Variants in TMX3 observed in about 807,000 individuals in gnomAD.
TMX3 encodes thioredoxin related transmembrane protein 3.
A neutral mutation model predicts 64.4 loss-of-function variants in TMX3; 40 were observed. That is an observed-to-expected ratio of 0.62 (90% CI 0.48 to 0.81). The LOEUF is 0.81. Ranked by LOEUF, TMX3 falls within the 30% of genes least tolerant of loss-of-function variation. The probability of loss-of-function intolerance (pLI) is 0.00; values close to 1 mark genes in which losing one functional copy is unlikely to be tolerated. For synonymous variants in TMX3, 189 were observed against 175.7 expected, an observed-to-expected ratio of 1.08 and a Z score of -0.60; for missense variants, 497 against 534.5, an observed-to-expected ratio of 0.93 and a Z score of 0.69.
chr18:68,685,821 T>C (rs1031592564), intron 10 of TMX3, among the ~76,000 whole-genome samples: 2 of 152,124 alleles, frequency 1.3e-5, no homozygotes, highest in South Asian at 2.1e-4. Context: ...TCTGACGAGG[T>C]CAGTGAAGAT....
At chr18:68,714,914 C>T (rs1158612183) in intron 1 of TMX3, 22 bp downstream of exon 1, 11 of 1,552,638 alleles carry the variant, frequency 7.1e-6, no homozygotes, top group African/African-American at 1.4e-5. Context: ...CGCCAGCGTC[C>T]CGACCGCTGA....
chr18:68,701,985 C>G (rs1212034059), intron 4 of TMX3, among the ~76,000 whole-genome samples, 195 bp from the exon 5 acceptor site: 1 of 151,086 alleles, frequency 6.6e-6, no homozygotes, highest in Non-Finnish European at 1.5e-5. Flanking sequence ...ACTTAATAGT[C>G]CAATCTGTGA....
intron 9 of TMX3, 111 bp downstream of exon 9, chr18:68,691,184 C>G: frequency 3.2e-6 from 2 of 623,890 alleles, no homozygotes; most frequent in Non-Finnish European, 5.1e-6. Flanking sequence ...GTCATGAGAA[C>G]TGTTATTCTC....
At chr18:68,694,982 A>AG (rs1312145818) in intron 8 of TMX3, among the ~76,000 whole-genome samples, 3 of 152,172 alleles carry the variant, frequency 2.0e-5, no homozygotes, top group African/African-American at 7.2e-5. Context: ...AGAAAAAAAA[A>AG]GAAAAGCTCC....
intron 6 of TMX3, among the ~76,000 whole-genome samples, chr18:68,699,082 T>G (rs1209602266): frequency 6.6e-6 from 1 of 151,956 alleles, no homozygotes; most frequent in Non-Finnish European, 1.5e-5. Context: ...GTGTGTATAT[T>G]ACAATACATA....
intron 4 of TMX3, among the ~76,000 whole-genome samples, chr18:68,707,729 C>A (rs1228740956): frequency 6.6e-6 from 1 of 152,162 alleles, no homozygotes; most frequent in Non-Finnish European, 1.5e-5. Flanking sequence ...TTGGTTTATT[C>A]ATCTTTCTCC....
intron 8 of TMX3, among the ~76,000 whole-genome samples, chr18:68,691,939 A>G (rs1485321610): frequency 6.6e-6 from 1 of 152,246 alleles, no homozygotes; most frequent in Non-Finnish European, 1.5e-5. Context: ...AAATAATTTG[A>G]GTAAGCCACA....
chr18:68,674,280 T>G lies in TMX3; in HGVS notation c.*2653A>C, dbSNP rs1912752616. 6.6e-6 allele frequency: 1 copy of G among 152,130 alleles called. No individual in the cohort carries two copies. The highest frequency in any genetic ancestry group is 2.4e-5 in the African/African-American group (1 of 41,434). The allele number at this position is 152,130 out of a possible 1,614,324, so 9.4% of individuals were successfully genotyped here. ...TAATAGTAGCTGAGAAAAATATTGATGCACATAATGAAACAAAAAGAATTG... is the reference window on the plus strand; with the variant it reads ...TAATAGTAGCTGAGAAAAATATTGAGGCACATAATGAAACAAAAAGAATTG... On this transcript the variant is annotated 3_prime_UTR_variant, in exon 16 of 16. Coordinates refer to ENST00000299608, the MANE Select transcript of TMX3 (RefSeq NM_019022.5).
chr18:68,711,169 G>T (rs985422664), intron 3 of TMX3, among the ~76,000 whole-genome samples, 195 bp downstream of exon 3: 1 of 152,004 alleles, frequency 6.6e-6, no homozygotes, highest in East Asian at 1.9e-4. Context: ...TCAAAAATAC[G>T]TTCCCTCGCA....
intron 10 of TMX3, chr18:68,687,388 A>G (rs555180181): frequency 1.0e-6 from 1 of 985,346 alleles, no homozygotes; most frequent in Admixed American, 6.1e-5. Context: ...ACAGCTTCTT[A>G]GTTGGTTATT....
At chr18:68,697,047 A>C (rs1337482316) in intron 8 of TMX3, 179 bp downstream of exon 8, 1 of 424,030 alleles carries the variant, frequency 2.4e-6, no homozygotes, top group African/African-American at 2.1e-5. Context: ...AATAAAAAGC[A>C]ATCTAATACC....
In TMX3 at chr18:68,681,182, T is replaced by C. The variant is rs578168689; in HGVS notation, c.906-72A>G. The stretch of plus-strand genomic sequence containing the variant: ...GCAAGTATTCTGATATTCATTTATA[T>C]CTCAGTAGCCATAATTATAGAAGCT... On this transcript the variant is annotated intron_variant, in intron 13 of 15. Transcript: ENST00000299608. 2.8e-5 allele frequency: 36 copies of C among 1,273,948 alleles called. No individual in the cohort carries two copies. In the South Asian group the frequency reaches 5.2e-4, roughly 18 times the overall value. The allele number at this position is 1,273,948 out of a possible 1,614,324, so 78.9% of individuals were successfully genotyped here.
intron 10 of TMX3, among the ~76,000 whole-genome samples, chr18:68,685,593 A>G (rs1599303515): frequency 6.6e-6 from 1 of 152,192 alleles, no homozygotes; most frequent in East Asian, 1.9e-4. Flanking sequence ...ACACAGACAC[A>G]GTTTCTCACA....
chr18:68,677,068 A>G lies in TMX3; in HGVS notation c.1230T>C (p.Tyr410=), dbSNP rs201182658. The G allele has an allele frequency of 6.2e-6, 10 of 1,613,828 alleles. No homozygotes were observed. The African/African-American group carries it at 8.0e-5, about 13-fold the overall frequency. ...DTDGGYIEER[Y]EVSKSENENQ... is the part of the protein sequence containing the mutation. ...TTTCATTTTCACTTTTAGACACTTC[A>G]TATCGTTCTTCTATATAACCTCCAT... The change falls in exon 16 of 16, where the codon TAT becomes TAC. Residue 410 remains tyrosine, a synonymous_variant. Coordinates refer to ENST00000299608, the MANE Select transcript of TMX3 (RefSeq NM_019022.5).
rs564100426 is a variant in TMX3, at chr18:68,684,213, T to G, written c.825A>C (p.Arg275Ser). The G allele has an allele frequency of 6.2e-7, 1 of 1,612,028 alleles. No homozygotes were observed. ...ACCTATGGAAGAGGTCTCTGTAATCTCTTGCAACTTCCTGAATAATTGACT... is the reference window on the plus strand; with the variant it reads ...ACCTATGGAAGAGGTCTCTGTAATCGCTTGCAACTTCCTGAATAATTGACT... Reference protein sequence around the residue: ...RLKSIIQEVARDYRDLFHRDF... With the variant: ...RLKSIIQEVASDYRDLFHRDF... Residue 275 changes from arginine to serine, a missense_variant, in exon 12 of 16, where the codon AGA becomes AGC. Physicochemically the swap from Arg to Ser is moderately radical, Grantham distance 110. Transcript: ENST00000299608.
At chr18:68,685,942 T>C (rs950897298) in intron 10 of TMX3, among the ~76,000 whole-genome samples, 7 of 152,182 alleles carry the variant, frequency 4.6e-5, no homozygotes, top group South Asian at 2.1e-4. Flanking sequence ...GCAATTGGCA[T>C]AGCCTTTTCA....
Position 68,673,701 on chromosome 18 carries a change from A to C in TMX3, c.*3232T>G, listed in dbSNP as rs1047849325. 2.6e-4 allele frequency: 39 copies of C among 152,296 alleles called. No homozygotes were observed. Among genetic ancestry groups the C allele is most frequent in the African/African-American group, 9.1e-4 (38 of 41,572 alleles). 9.4% of individuals were successfully genotyped at this position (152,296 alleles called of 1,614,324 possible). The stretch of plus-strand genomic sequence containing the variant: ...AATAAGAAACAATTGCAGGTTTTCA[A>C]TTACTTTATTTTAGAAAAACAAAGG... On this transcript the variant is annotated 3_prime_UTR_variant, in exon 16 of 16. Coordinates refer to ENST00000299608, the MANE Select transcript of TMX3 (RefSeq NM_019022.5).
At chr18:68,695,790 G>A (rs558843162) in intron 8 of TMX3, among the ~76,000 whole-genome samples, 6 of 152,270 alleles carry the variant, frequency 3.9e-5, no homozygotes, top group Middle Eastern at 3.4e-3. Context: ...CGCACTCTGC[G>A]CTTAGCACAG....
At chr18:68,714,438 C>G (rs1470842477) in intron 1 of TMX3, 4 of 161,920 alleles carry the variant, frequency 2.5e-5, no homozygotes, top group African/African-American at 9.6e-5. Flanking sequence ...TCCATGCTGA[C>G]GGGAGGCAGC....
Sources: allele counts gnomAD v4.1 joint callset (sites outside exome capture counted in the v4.1 genomes callset), GRCh38; gene constraint gnomAD v4.1.1; transcripts MANE v1.5; gene names NCBI Gene and HGNC (gene_info 2026-07-23, HGNC 2026-07-21).